The following IL1RN variants were observed in gnomAD, a reference collection of about 807,000 sequenced individuals.
IL1RN encodes the protein interleukin 1 receptor antagonist.
A neutral mutation model predicts 13.7 loss-of-function variants in IL1RN; 10 were observed. The ratio of observed to expected loss-of-function variants is 0.73; its 90% CI spans 0.45 to 1.24. The LOEUF (loss-of-function observed/expected upper bound fraction) is 1.24, where lower values mean the gene tolerates loss of function less well. IL1RN is among the 50% of genes most tolerant of loss of function. The pLI is 0.00. For missense variants in IL1RN, 213 were observed against 222.1 expected (o/e 0.96, Z 0.26); for synonymous variants, 102 against 82.7 (o/e 1.23, Z -1.27).
At chr2:113,129,487 G>T (rs1687081972) in intron 1 of IL1RN, 89 bp from the exon 2 acceptor site, 1 of 833,972 alleles carries the variant, frequency 1.2e-6, no homozygotes, top group South Asian at 1.3e-5. Flanking sequence ...ATGCAAATTT[G>T]ACAAGTTCTG....
At chr2:113,108,246 G>T (rs940886893), upstream of IL1RN, among the ~76,000 whole-genome samples, 3 of 151,572 alleles carry the variant, frequency 2.0e-5, no homozygotes, top group East Asian at 3.9e-4. Context: ...TTTTTTTTGG[G>T]GGGGGTTATA....
At chr2:113,122,416 CCAGCAGGAT>C (rs1278229541) in intron 2 of IL1RN, among the ~76,000 whole-genome samples, 1 of 152,108 alleles carries the variant, frequency 6.6e-6, no homozygotes, top group African/African-American at 2.4e-5. Context: ...GGTGCGGCAG[CCAGCAGGAT>C]CCAATGGTGT....
chr2:113,110,138 T>C (rs536947897), upstream of IL1RN, among the ~76,000 whole-genome samples: 18 of 152,338 alleles, frequency 1.2e-4, no homozygotes, highest in African/African-American at 4.3e-4. Context: ...CCATGGTATA[T>C]CTGACTCCAT....
Position 113,132,798 on chromosome 2 carries a change from A to T in IL1RN, c.461A>T (p.Gln154Leu). 8.1e-6 allele frequency: 13 copies of T among 1,614,262 alleles called. No individual in the cohort carries two copies. The highest frequency in any genetic ancestry group is 1.0e-5 in the Non-Finnish European group (12 of 1,180,040). Residue 154 changes from glutamine to leucine, a missense_variant, in exon 4 of 4, where the codon CAG (glutamine) becomes CTG (leucine). Gln to Leu is a moderately radical substitution (Grantham distance 113, BLOSUM62 -2). Transcript: ENST00000409930. ...CTCTGCACAGCGATGGAAGCTGACC[A>T]GCCCGTCAGCCTCACCAATATGCCT... ...WFLCTAMEAD[Q>L]PVSLTNMPDE... is the part of the protein sequence containing the mutation.
At chr2:113,127,251 C>T (rs965391876), upstream of IL1RN, among the ~76,000 whole-genome samples, 3 of 152,146 alleles carry the variant, frequency 2.0e-5, no homozygotes, top group African/African-American at 7.2e-5. Context: ...GAAAAAACGG[C>T]CTTTCTGCTC....
At chr2:113,101,797 C>A in the IL1RN span, among the ~76,000 whole-genome samples, 1 of 152,072 alleles carries the variant, frequency 6.6e-6, no homozygotes, top group African/African-American at 2.4e-5. Context: ...GATGGAGTTT[C>A]TCTCTTGTTA....
At chr2:113,109,310 G>T (rs570920966), upstream of IL1RN, among the ~76,000 whole-genome samples, 1 of 151,798 alleles carries the variant, frequency 6.6e-6, no homozygotes, top group Non-Finnish European at 1.5e-5. Context: ...TACTCTGGAG[G>T]CTGAGGCAGG....
intron 3 of IL1RN, among the ~76,000 whole-genome samples, chr2:113,132,173 G>A (rs577324138): frequency 1.6e-4 from 25 of 152,352 alleles, no homozygotes; most frequent in African/African-American, 6.0e-4. Flanking sequence ...GCCAGGCCAG[G>A]CGCAGTGGCT....
upstream of IL1RN, chr2:113,112,995 T>C (rs555813154): frequency 9.8e-4 from 149 of 152,330 alleles, no homozygotes; most frequent in African/African-American, 3.5e-3. Context: ...CCTTGTCTTT[T>C]GCAGCACAAG....
chr2:113,100,082 G>A, the IL1RN span, among the ~76,000 whole-genome samples: 7 of 145,444 alleles, frequency 4.8e-5, no homozygotes, highest in South Asian at 1.6e-3. Context: ...CAGCACTTTG[G>A]GAGGCCGAGG....
At chr2:113,117,293 A>C (rs55777534), upstream of IL1RN, among the ~76,000 whole-genome samples, 77 of 152,310 alleles carry the variant, frequency 5.1e-4, no homozygotes, top group Middle Eastern at 6.8e-3. Flanking sequence ...CGTAGTGCTC[A>C]AACAAGGCCT....
chr2:113,124,392 C>A (rs943892926), upstream of IL1RN, among the ~76,000 whole-genome samples: 3 of 152,044 alleles, frequency 2.0e-5, no homozygotes, highest in South Asian at 2.1e-4. Context: ...AGGGAGAGAG[C>A]TTCCCTTGTC....
chr2:113,119,904 C>T (rs186803334), intron 1 of IL1RN, among the ~76,000 whole-genome samples: 61 of 152,042 alleles, frequency 4.0e-4, no homozygotes, highest in African/African-American at 1.4e-3. Context: ...GAAAAGTTGA[C>T]GGGGTGCATA....
At chr2:113,105,464 A>G (rs887422197), upstream of IL1RN, among the ~76,000 whole-genome samples, 1 of 152,088 alleles carries the variant, frequency 6.6e-6, no homozygotes, top group African/African-American at 2.4e-5. Flanking sequence ...AGAAATGTAA[A>G]CTCTATATAT....
chr2:113,104,672 T>C (rs1187332278), upstream of IL1RN, among the ~76,000 whole-genome samples: 1 of 152,222 alleles, frequency 6.6e-6, no homozygotes, highest in Non-Finnish European at 1.5e-5. Flanking sequence ...GGTCTTGCTT[T>C]ACCCCAGTAG....
intron 1 of IL1RN, 42 bp downstream of exon 1, chr2:113,127,782 T>C (rs1434786285): frequency 6.3e-7 from 1 of 1,597,992 alleles, no homozygotes; most frequent in Non-Finnish European, 8.6e-7. Context: ...GTGGATCAGC[T>C]GGAGACTGGA....
upstream of IL1RN, among the ~76,000 whole-genome samples, chr2:113,106,977 A>G (rs1686395836): frequency 6.6e-6 from 1 of 152,248 alleles, no homozygotes. Flanking sequence ...CAAAATGAAT[A>G]TAGTTAAAGA....
chr2:113,129,467 G>A (rs1687081161), intron 1 of IL1RN, 109 bp from the exon 2 acceptor site: 5 of 779,570 alleles, frequency 6.4e-6, no homozygotes, highest in Non-Finnish European at 1.2e-5. Context: ...TATACCCCTG[G>A]AAGAGCTGGA....
chr2:113,109,641 C>G (rs1400257257), upstream of IL1RN, among the ~76,000 whole-genome samples: 4 of 151,892 alleles, frequency 2.6e-5, no homozygotes, highest in Non-Finnish European at 5.9e-5. Flanking sequence ...GCTGGGTTCA[C>G]CCTTTTATAT....
Sources: gnomAD v4.1 joint callset for allele counts (sites outside exome capture counted in the v4.1 genomes callset) on GRCh38, gnomAD v4.1.1 for gene constraint, MANE v1.5 for transcripts, NCBI Gene and HGNC (gene_info 2026-07-23, HGNC 2026-07-21) for gene names.